The following C6 variants were observed in gnomAD, a reference collection of about 807,000 sequenced individuals.
C6 encodes complement C6.
Under a neutral mutation model 112.9 loss-of-function variants are expected in C6, and 101 were observed. The observed-to-expected ratio is 0.89, with a 90% confidence interval of 0.76 to 1.06. The LOEUF (loss-of-function observed/expected upper bound fraction) is 1.06. C6 is among the 50% of genes least tolerant of loss of function. The pLI is 0.00. For missense variants in C6, 1,202 were observed against 1,104.6 expected (o/e 1.09, Z -1.25); for synonymous variants, 431 against 384.1 (o/e 1.12, Z -1.43).
intron 1 of C6, among the ~76,000 whole-genome samples, chr5:41,233,835 G>A (rs978241410): frequency 4.6e-5 from 7 of 151,942 alleles, no homozygotes; most frequent in Non-Finnish European, 8.8e-5. Context: ...GGTTATATGA[G>A]AACTCCATCT....
At chr5:41,181,285 T>C (rs891920860) in intron 7 of C6, 74 bp downstream of exon 7, 1 of 1,356,838 alleles carries the variant, frequency 7.4e-7, no homozygotes, top group African/African-American at 1.4e-5. Flanking sequence ...AACTCTCCCC[T>C]TCTTATTGCA....
intron 1 of C6, among the ~76,000 whole-genome samples, chr5:41,219,460 A>G (rs1178251727): frequency 6.6e-6 from 1 of 152,106 alleles, no homozygotes; most frequent in Non-Finnish European, 1.5e-5. Flanking sequence ...AAATGAGGCA[A>G]TGCAAGCAAT....
At chr5:41,239,962 GA>G (rs1740594226) in intron 1 of C6, among the ~76,000 whole-genome samples, 1 of 152,082 alleles carries the variant, frequency 6.6e-6, no homozygotes, top group African/African-American at 2.4e-5. Context: ...TTTCTGTTGA[GA>G]AATCTGCTGT....
intron 10 of C6, 101 bp downstream of exon 10, chr5:41,161,592 C>A: frequency 1.0e-6 from 1 of 982,950 alleles, no homozygotes; most frequent in Non-Finnish European, 1.6e-6. Context: ...GCATTTCTTT[C>A]ATTGTCTGAG....
intron 1 of C6, among the ~76,000 whole-genome samples, chr5:41,226,932 C>G (rs573720830): frequency 1.3e-5 from 2 of 152,208 alleles, no homozygotes; most frequent in South Asian, 4.1e-4. Flanking sequence ...GTACAGATAT[C>G]TCTTTGACAT....
At position 41,159,095 on chromosome 5, in the gene C6, T is replaced by C. The variant is rs1169325595; in HGVS notation, c.1843A>G (p.Ile615Val). The C allele has an allele frequency of 1.9e-6, 3 of 1,613,692 alleles. No homozygotes were observed. Among genetic ancestry groups the C allele is most frequent in the South Asian group, 1.1e-5 (1 of 91,088 alleles). Residue 615 changes from isoleucine to valine, a missense_variant, in exon 12 of 18, where the codon ATC becomes GTC. Coordinates refer to ENST00000337836, the MANE Select transcript of C6 (RefSeq NM_000065.5). ...KRQEEDCTFSIMENNGQPCIN... is the reference protein window; with the variant it reads ...KRQEEDCTFSVMENNGQPCIN... ...ACCCGGCCTTACTTGTTTTCCATGATTGAAAATGTGCAGTCTTCCTCTTGT... is the reference window on the plus strand; with the variant it reads ...ACCCGGCCTTACTTGTTTTCCATGACTGAAAATGTGCAGTCTTCCTCTTGT...
intron 6 of C6, among the ~76,000 whole-genome samples, chr5:41,184,706 C>A (rs1749633264): frequency 6.6e-6 from 1 of 151,974 alleles, no homozygotes; most frequent in African/African-American, 2.4e-5. Flanking sequence ...TCCTGACACC[C>A]AAGTGATCTG....
chr5:41,180,276 C>G (rs1317188493), intron 7 of C6, among the ~76,000 whole-genome samples: 1 of 152,180 alleles, frequency 6.6e-6, no homozygotes, highest in Non-Finnish European at 1.5e-5. Flanking sequence ...TATTTCCTCC[C>G]TCTCTAGTTC....
chr5:41,204,285 G>A (rs1751255177), intron 1 of C6, among the ~76,000 whole-genome samples: 1 of 152,118 alleles, frequency 6.6e-6, no homozygotes, highest in Non-Finnish European at 1.5e-5. Context: ...CAGTAAGAAG[G>A]TTCATGTAAA....
intron 1 of C6, among the ~76,000 whole-genome samples, chr5:41,245,310 A>T (rs28603337): frequency 0.028 from 4,260 of 152,210 alleles, 219 homozygotes; most frequent in African/African-American, 0.097. Context: ...TGGGCAGATC[A>T]CCTGAGGTCA....
At chr5:41,160,464 A>T in intron 10 of C6, 97 bp from the exon 11 acceptor site, 2 of 930,752 alleles carry the variant, frequency 2.1e-6, no homozygotes, top group Non-Finnish European at 1.8e-6. Context: ...GAAAGCCTGA[A>T]AATTTTACAC....
chr5:41,225,745 A>G (rs1308012030), intron 1 of C6, among the ~76,000 whole-genome samples: 1 of 152,156 alleles, frequency 6.6e-6, no homozygotes, highest in Non-Finnish European at 1.5e-5. Flanking sequence ...TACTGGTACC[A>G]AAACAGAGAT....
intron 9 of C6, among the ~76,000 whole-genome samples, chr5:41,171,933 A>G (rs1358316526): frequency 1.3e-5 from 2 of 152,158 alleles, no homozygotes; most frequent in Admixed American, 1.3e-4. Context: ...GTCCTGGTTC[A>G]CAGCCATATG....
At chr5:41,220,332 T>G (rs577973979) in intron 1 of C6, among the ~76,000 whole-genome samples, 1 of 152,274 alleles carries the variant, frequency 6.6e-6, no homozygotes, top group South Asian at 2.1e-4. Context: ...ACTTAAGCAA[T>G]TAGTCAAATT....
intron 13 of C6, among the ~76,000 whole-genome samples, chr5:41,158,148 A>G (rs1747094853): frequency 6.6e-6 from 1 of 152,178 alleles, no homozygotes; most frequent in African/African-American, 2.4e-5. Context: ...TCTGTCTGAC[A>G]AAATGTATTC....
intron 1 of C6, among the ~76,000 whole-genome samples, chr5:41,243,953 A>G (rs1222808878): frequency 6.6e-6 from 1 of 152,210 alleles, no homozygotes; most frequent in Non-Finnish European, 1.5e-5. Flanking sequence ...AACCAAGGTC[A>G]TAACACACAA....
intron 9 of C6, among the ~76,000 whole-genome samples, chr5:41,162,407 T>C (rs998517105): frequency 2.6e-5 from 4 of 152,202 alleles, no homozygotes; most frequent in African/African-American, 9.6e-5. Context: ...GGAATGATTT[T>C]ATATTTAAAG....
chr5:41,178,308 C>CCAA (rs1749021256), intron 7 of C6, among the ~76,000 whole-genome samples: 1 of 151,368 alleles, frequency 6.6e-6, no homozygotes, highest in East Asian at 1.9e-4. Context: ...GACTGTTTGT[C>CCAA]CAACAAATGT....
chr5:41,241,331 A>G (rs1319828895), intron 1 of C6, among the ~76,000 whole-genome samples: 1 of 152,190 alleles, frequency 6.6e-6, no homozygotes, highest in Non-Finnish European at 1.5e-5. Flanking sequence ...GATTCTAACA[A>G]TAAAATTTTA....
Sources: allele counts gnomAD v4.1 joint callset (sites outside exome capture counted in the v4.1 genomes callset), GRCh38; gene constraint gnomAD v4.1.1; transcripts MANE v1.5; gene names NCBI Gene and HGNC (gene_info 2026-07-23, HGNC 2026-07-21).